Variants in GRIN2C observed in about 807,000 individuals in gnomAD.
GRIN2C encodes the protein glutamate ionotropic receptor NMDA type subunit 2C, also known as glutamate receptor ionotropic, NMDA 2C.
A neutral mutation model predicts 77.7 loss-of-function variants in GRIN2C; 64 were observed. That is an observed-to-expected ratio of 0.82 (90% CI 0.67 to 1.01). The LOEUF (loss-of-function observed/expected upper bound fraction) is 1.01, where lower values mean the gene tolerates loss of function less well. Ranked by LOEUF, GRIN2C falls within the 50% of genes least tolerant of loss-of-function variation. GRIN2C has a pLI of 0.00. For missense variants in GRIN2C, 1,549 were observed against 1,486.0 expected, an observed-to-expected ratio of 1.04 and a Z score of -0.70; for synonymous variants, 792 against 643.4, an observed-to-expected ratio of 1.23 and a Z score of -3.49.
chr17:74,854,993 C>G lies in GRIN2C; in HGVS notation c.100G>C (p.Val34Leu). 6.2e-7 allele frequency: 1 copy of G among 1,607,842 alleles called. No individual in the cohort carries two copies. The highest frequency in any genetic ancestry group is 2.2e-5 in the East Asian group (1 of 44,860). Residue 34 changes from valine (V) to leucine (L), a missense_variant, in exon 2 of 13, where the codon GTG becomes CTG. This residue lies in a region of GRIN2C where 382 missense variants were observed against 360.0 expected (regional missense o/e 1.06). Coordinates refer to ENST00000293190, the MANE Select transcript of GRIN2C (RefSeq NM_000835.6). ...GGCGGCCCTGAGCTGCTAAACACCA[C>G]GGCCACCGTCATGCCCTGCTCGCCC... Reference protein sequence around the residue: ...GQGEQGMTVAVVFSSSGPPQA... With the variant: ...GQGEQGMTVALVFSSSGPPQA...
At position 74,850,856 on chromosome 17, in the gene GRIN2C, C is replaced by T. The variant is rs2037620238; in HGVS notation, c.1114-89G>A. The T allele has an allele frequency of 1.0e-5, 11 of 1,102,888 alleles. No homozygotes were observed. The South Asian group carries it at 1.1e-4, about 11-fold the overall frequency. 68.3% of individuals were successfully genotyped at this position (1,102,888 alleles called of 1,614,324 possible). A position where few individuals can be genotyped will look rare whatever the true frequency, so the allele number is the denominator to read the frequency against. On this transcript the variant is annotated intron_variant, in intron 4 of 12. Transcript: ENST00000293190. The surrounding 1 kb of genome is among the most constrained non-coding windows in gnomAD (Gnocchi z 5.3). ...GCCTGCCAGGGCCAAGAATCTCCCTCTCTCACCTAGGGATGCTGGGGCAGG... is the reference window on the plus strand; with the variant it reads ...GCCTGCCAGGGCCAAGAATCTCCCTTTCTCACCTAGGGATGCTGGGGCAGG...
intron 7 of GRIN2C, 35 bp from the exon 8 acceptor site, chr17:74,848,012 C>T: frequency 6.2e-7 from 1 of 1,612,280 alleles, no homozygotes; most frequent in South Asian, 1.1e-5. Context: ...GAGGCCTCGG[C>T]ATGTTCCCTG....
intron 11 of GRIN2C, 136 bp from the exon 12 acceptor site, chr17:74,844,644 T>C: frequency 7.0e-7 from 1 of 1,436,564 alleles, no homozygotes; most frequent in Non-Finnish European, 9.2e-7. Flanking sequence ...GCAGACCACA[T>C]GGGGATCCAG....
intron 1 of GRIN2C, 129 bp from the exon 2 acceptor site, chr17:74,855,236 G>A (rs540783041): frequency 8.3e-5 from 56 of 676,222 alleles, no homozygotes; most frequent in Middle Eastern, 8.1e-4. Flanking sequence ...CTCCCTCCCC[G>A]AAGAGAGGCG....
intron 11 of GRIN2C, 72 bp downstream of exon 11, chr17:74,845,994 G>A (rs924433963): frequency 1.0e-5 from 14 of 1,393,128 alleles, no homozygotes; most frequent in Non-Finnish European, 1.4e-5. Flanking sequence ...GGGAACTTGA[G>A]TGGTGGTGGA....
chr17:74,853,211 G>A (rs1598490725), intron 2 of GRIN2C: 2 of 152,208 alleles, frequency 1.3e-5, no homozygotes, highest in South Asian at 4.1e-4. Flanking sequence ...GCTGGCACCG[G>A]GGCCAGCGCA....
At position 74,846,699 on chromosome 17, in the gene GRIN2C, T is replaced by G; in HGVS notation, c.2162+61A>C. 6.5e-7 allele frequency: 1 copy of G among 1,541,800 alleles called. No homozygotes were observed. The highest frequency in any genetic ancestry group is 1.7e-5 in the Admixed American group (1 of 58,420). ...GTCCCACTGTCCCCACATTGAGAGC[T>G]AAGGCTGGTCACTGGGGAGACACAC... On this transcript the variant is annotated intron_variant, in intron 10 of 12. Coordinates refer to ENST00000293190, the MANE Select transcript of GRIN2C (RefSeq NM_000835.6). This position sits in a 1 kb window ranked among gnomAD's most constrained non-coding sequence, Gnocchi z 4.4.
In GRIN2C at chr17:74,847,901, G is replaced by C; in HGVS notation, c.1722C>G (p.Phe574Leu). 2 of 1,614,024 alleles carry C rather than the reference G, an allele frequency of 1.2e-6. No homozygotes were observed. Among genetic ancestry groups the C allele is most frequent in the Non-Finnish European group, 1.7e-6 (2 of 1,179,932 alleles). The stretch of plus-strand genomic sequence containing the variant: ...TGTAGCTGACAGGGCTGAAGTACTC[G>C]AACATGAAGACGGTGATGGCCACCA... ...LTVVAITVFM[F>L]EYFSPVSYNQ... The change falls in exon 8 of 13, where the codon TTC becomes TTG. Residue 574 changes from phenylalanine to leucine, a missense_variant. Phe to Leu is a conservative substitution (Grantham distance 22). Around this residue, in one of 3 missense-constraint regions of GRIN2C, gnomAD observed 717 missense variants for 858.1 expected, o/e 0.84. Transcript: ENST00000293190. This position sits in a 1 kb window ranked among gnomAD's most constrained non-coding sequence, Gnocchi z 5.2.
rs2037303838 is a variant in GRIN2C at position 74,842,145 on chromosome 17, A to T, written c.*290T>A. The T allele has an allele frequency of 2.5e-6, 1 of 399,724 alleles. No individual in the cohort carries two copies. Among genetic ancestry groups the T allele is most frequent in the Non-Finnish European group, 4.5e-6 (1 of 223,172 alleles). 24.8% of individuals were successfully genotyped at this position (399,724 alleles called of 1,614,324 possible). ...TCCAGCCTCCATGCCCACAGCAGCCATGACCAGTAACTGGCTAGCCCCAGG... is the reference window on the plus strand; with the variant it reads ...TCCAGCCTCCATGCCCACAGCAGCCTTGACCAGTAACTGGCTAGCCCCAGG... On this transcript the variant is annotated 3_prime_UTR_variant, in exon 13 of 13. Coordinates refer to ENST00000293190, the MANE Select transcript of GRIN2C (RefSeq NM_000835.6).
intron 12 of GRIN2C, 191 bp downstream of exon 12, chr17:74,844,085 G>A: frequency 8.6e-7 from 1 of 1,167,368 alleles, no homozygotes; most frequent in South Asian, 1.7e-5. Context: ...TGTTGCCCAG[G>A]CTGGTCTCAA....
At position 74,850,698 on chromosome 17, in the gene GRIN2C, G is replaced by C. The variant is rs1238550564; in HGVS notation, c.1183C>G (p.Gln395Glu). The C allele has an allele frequency of 1.2e-6, 2 of 1,613,498 alleles. No homozygotes were observed. Among genetic ancestry groups the C allele is most frequent in the Admixed American group, 1.7e-5 (1 of 60,014 alleles). The change falls in exon 5 of 13, where the codon CAG becomes GAG. Residue 395 changes from glutamine (Q) to glutamate (E), a missense_variant. Physicochemically the swap from Gln to Glu is conservative, Grantham distance 29. Coordinates refer to ENST00000293190, the MANE Select transcript of GRIN2C (RefSeq NM_000835.6). This position sits in a 1 kb window ranked among gnomAD's most constrained non-coding sequence, Gnocchi z 5.3. The part of the protein sequence containing the change: ...PVWPRYSASL[Q>E]PVVDSRHLTV... ...AGGTGCCGACTGTCCACCACAGGCT[G>C]CAGAGAGGCACTGTAGCGAGGCCAC... is the stretch of plus-strand genomic sequence containing the variant.
intron 1 of GRIN2C, among the ~76,000 whole-genome samples, chr17:74,856,722 G>C (rs1161889715): frequency 6.6e-6 from 1 of 151,680 alleles, no homozygotes; most frequent in Non-Finnish European, 1.5e-5. Context: ...CTCATGATCT[G>C]CCCACCTCGG....
Position 74,850,108 on chromosome 17 carries a change from G to T in GRIN2C, c.1491+98C>A. 1 of 1,417,462 alleles carries T rather than the reference G, an allele frequency of 7.1e-7. No individual in the cohort carries two copies. The highest frequency in any genetic ancestry group is 9.8e-7 in the Non-Finnish European group (1 of 1,021,396). The allele number at this position is 1,417,462 out of a possible 1,614,324, so 87.8% of individuals were successfully genotyped here. A position where few individuals can be genotyped will look rare whatever the true frequency, so the allele number is the denominator to read the frequency against. On this transcript the variant is annotated intron_variant, in intron 6 of 12. Coordinates refer to ENST00000293190, the MANE Select transcript of GRIN2C (RefSeq NM_000835.6). This position sits in a 1 kb window ranked among gnomAD's most constrained non-coding sequence, Gnocchi z 5.3. ...ACCCCAGGAGTCATCATTGGTGACAGCCCATGCCCCCCTCTAGAGGGCATC... is the reference window on the plus strand; with the variant it reads ...ACCCCAGGAGTCATCATTGGTGACATCCCATGCCCCCCTCTAGAGGGCATC...
upstream of GRIN2C, among the ~76,000 whole-genome samples, chr17:74,860,138 G>C (rs1232949935): frequency 3.3e-5 from 5 of 152,110 alleles, no homozygotes; most frequent in African/African-American, 4.8e-5. Flanking sequence ...GCGAACCCAG[G>C]TGTCCCGGAC....
Position 74,846,725 on chromosome 17 carries a change from G to A in GRIN2C, c.2162+35C>T, listed in dbSNP as rs369329107. 59 of 1,599,230 alleles carry A rather than the reference G, an allele frequency of 3.7e-5. No homozygotes were observed. The highest frequency in any genetic ancestry group is 3.0e-4 in the South Asian group (27 of 88,756). ...AAGGCTGGTCACTGGGGAGACACACGGATGAAGACAGCGGGTGCAGGGCTG... is the reference window on the plus strand; with the variant it reads ...AAGGCTGGTCACTGGGGAGACACACAGATGAAGACAGCGGGTGCAGGGCTG... On this transcript the variant is annotated intron_variant, in intron 10 of 12. Transcript: ENST00000293190. This position sits in a 1 kb window ranked among gnomAD's most constrained non-coding sequence, Gnocchi z 4.4.
chr17:74,843,501 T>G lies in GRIN2C; in HGVS notation c.2636A>C (p.Gln879Pro), dbSNP rs1363625353. 2 of 1,533,572 alleles carry G rather than the reference T, an allele frequency of 1.3e-6. No individual in the cohort carries two copies. The highest frequency in any genetic ancestry group is 2.4e-5 in the East Asian group (1 of 40,902). 95.0% of individuals were successfully genotyped at this position (1,533,572 alleles called of 1,614,324 possible). The part of the protein sequence containing the change: ...GVQSLASPPR[Q>P]ASPDLTASSA... The stretch of plus-strand genomic sequence containing the variant: ...GCTGGCCGTGAGGTCCGGGCTGGCC[T>G]GCCGCGGTGGGCTGGCGAGGCTCTG... Residue 879 changes from glutamine to proline, a missense_variant, in exon 13 of 13, where the codon CAG becomes CCG. Physicochemically the swap from Gln to Pro is moderately conservative, Grantham distance 76. Coordinates refer to ENST00000293190, the MANE Select transcript of GRIN2C (RefSeq NM_000835.6).
chr17:74,846,671 C>G lies in GRIN2C; in HGVS notation c.2162+89G>C. Reference sequence around the variant, plus strand: ...CCCCACAGGAGTCCTGCAGGACAGCCCAGTCCCACTGTCCCCACATTGAGA... The same window carrying G: ...CCCCACAGGAGTCCTGCAGGACAGCGCAGTCCCACTGTCCCCACATTGAGA... On this transcript the variant is annotated intron_variant, in intron 10 of 12. Coordinates refer to ENST00000293190, the MANE Select transcript of GRIN2C (RefSeq NM_000835.6). This position sits in a 1 kb window ranked among gnomAD's most constrained non-coding sequence, Gnocchi z 4.4. The G allele has an allele frequency of 7.2e-7, 1 of 1,396,932 alleles. No homozygotes were observed. Among genetic ancestry groups the G allele is most frequent in the Non-Finnish European group, 9.9e-7 (1 of 1,007,976 alleles). The allele number at this position is 1,396,932 out of a possible 1,614,324, so 86.5% of individuals were successfully genotyped here.
chr17:74,850,906 C>A lies in GRIN2C; in HGVS notation c.1114-139G>T. The A allele has an allele frequency of 1.5e-6, 1 of 675,526 alleles. No individual in the cohort carries two copies. 41.8% of individuals were successfully genotyped at this position (675,526 alleles called of 1,614,324 possible). On this transcript the variant is annotated intron_variant, in intron 4 of 12. Coordinates refer to ENST00000293190, the MANE Select transcript of GRIN2C (RefSeq NM_000835.6). This position sits in a 1 kb window ranked among gnomAD's most constrained non-coding sequence, Gnocchi z 5.3. ...GTCAGAGTAGGGCTGCTCCCAACAGCCTCCCCCAGCCTCGGGTCCCTGTGT... is the reference window on the plus strand; with the variant it reads ...GTCAGAGTAGGGCTGCTCCCAACAGACTCCCCCAGCCTCGGGTCCCTGTGT...
chr17:74,861,498 A>T (rs2037955705), upstream of GRIN2C: 1 of 151,508 alleles, frequency 6.6e-6, no homozygotes, highest in Admixed American at 6.6e-5. Flanking sequence ...TCTGTCCCAG[A>T]GCCTCGGCCC....
Sources: allele counts gnomAD v4.1 joint callset (sites outside exome capture counted in the v4.1 genomes callset), GRCh38; gene constraint gnomAD v4.1.1; regional missense constraint gnomAD v4.1.1; non-coding constraint Gnocchi (gnomAD v3.1); transcripts MANE v1.5; gene names NCBI Gene and HGNC (gene_info 2026-07-23, HGNC 2026-07-21).